MYO6: variants seen among roughly 807,000 people sequenced by gnomAD.
The protein encoded by MYO6 is unconventional myosin-VI.
Under a neutral mutation model 178.7 loss-of-function variants are expected in MYO6, and 74 were observed. That is an observed-to-expected ratio of 0.41 (90% CI 0.34 to 0.50). The LOEUF is 0.50. Ranked by LOEUF, MYO6 falls within the 20% of genes least tolerant of loss-of-function variation. MYO6 has a pLI of 0.09. For missense variants in MYO6, 1,330 were observed against 1,547.4 expected (o/e 0.86, Z 2.36); for synonymous variants, 477 against 504.6 (o/e 0.95, Z 0.73).
intron 1 of MYO6, among the ~76,000 whole-genome samples, chr6:75,782,604 C>CAG (rs1767093943): frequency 6.6e-6 from 1 of 152,184 alleles, no homozygotes; most frequent in Non-Finnish European, 1.5e-5. Flanking sequence ...ATTCTCTTAA[C>CAG]CAGTTTGTTG....
In MYO6 at chr6:75,841,216, C is replaced by T; in HGVS notation, c.654C>T (p.Ser218=). 6.2e-7 allele frequency: 1 copy of T among 1,613,344 alleles called. No homozygotes were observed. Among genetic ancestry groups the T allele is most frequent in the Non-Finnish European group, 8.5e-7 (1 of 1,179,676 alleles). The stretch of plus-strand genomic sequence containing the variant: ...TTTCTCTGTGTTTTGTTTTTTAGAG[C>T]TCAGTTGTTGGAGGATTTGTTTCAC... ...KFVEIHFNEK[S]SVVGGFVSHY... Residue 218 remains serine (S), a splice_region_variant and synonymous_variant, in exon 9 of 35, where the codon AGC becomes AGT. Coordinates refer to ENST00000369977, the MANE Select transcript of MYO6 (RefSeq NM_004999.4).
chr6:75,853,724 A>C (rs899973412), intron 11 of MYO6, among the ~76,000 whole-genome samples: 1 of 152,208 alleles, frequency 6.6e-6, no homozygotes, highest in Admixed American at 6.5e-5. Flanking sequence ...TGATTTTCAC[A>C]CATTCTTTGT....
intron 1 of MYO6, among the ~76,000 whole-genome samples, chr6:75,755,661 A>G (rs547205992): frequency 1.3e-5 from 2 of 152,350 alleles, no homozygotes; most frequent in African/African-American, 4.8e-5. Context: ...GTGATCCGAT[A>G]GTTACAACTG....
At position 75,774,665 on chromosome 6, in the gene MYO6, GATTTTCCTTAAAGAGGA is replaced by G. The variant is rs1766203137; in HGVS notation, c.-48+25244_-48+25260del. Reference sequence around the variant, plus strand: ...AAAATTTTATGGTATATTTGTTAGAGATTTTCCTTAAAGAGGAAAATCAAGGAATTGAAGTCTTCCCC... The same window carrying G: ...AAAATTTTATGGTATATTTGTTAGAGAAATCAAGGAATTGAAGTCTTCCCC... On this transcript the variant is annotated intron_variant, in intron 1 of 34. Coordinates refer to ENST00000369977, the MANE Select transcript of MYO6 (RefSeq NM_004999.4). 2.0e-5 allele frequency among the ~76,000 whole-genome samples: 3 copies of G among 152,010 alleles called. No homozygotes were observed. In the South Asian group the frequency reaches 6.2e-4, roughly 32 times the overall value.
At position 75,917,440 on chromosome 6, in the gene MYO6, G is replaced by T. The variant is rs1781177850; in HGVS notation, c.*2428G>T. 6.6e-6 allele frequency: 1 copy of T among 152,544 alleles called. No homozygotes were observed. Among genetic ancestry groups the T allele is most frequent in the African/African-American group, 2.4e-5 (1 of 41,448 alleles). 9.4% of individuals were successfully genotyped at this position (152,544 alleles called of 1,614,324 possible). ...TTCCTAATTGTGGTAACACAGTTGA[G>T]ATATGTATTATGAGTTATGGGAACT... On this transcript the variant is annotated 3_prime_UTR_variant, in exon 35 of 35. Coordinates refer to ENST00000369977, the MANE Select transcript of MYO6 (RefSeq NM_004999.4).
chr6:75,861,643 A>G (rs1018531223), intron 15 of MYO6, among the ~76,000 whole-genome samples: 6 of 152,122 alleles, frequency 3.9e-5, no homozygotes, highest in Non-Finnish European at 8.8e-5. Flanking sequence ...TCAGTCTTCC[A>G]TTTCTTTCCC....
At chr6:75,767,081 A>C (rs1778486783) in intron 1 of MYO6, among the ~76,000 whole-genome samples, 1 of 150,758 alleles carries the variant, frequency 6.6e-6, no homozygotes, top group Non-Finnish European at 1.5e-5. Context: ...GCTGGAGTGC[A>C]GTGGCACAAT....
intron 3 of MYO6, among the ~76,000 whole-genome samples, chr6:75,823,564 T>C (rs1358347395): frequency 6.6e-6 from 1 of 152,210 alleles, no homozygotes; most frequent in African/African-American, 2.4e-5. Context: ...AGGTACCTAA[T>C]ACTAAAAACT....
At position 75,809,915 on chromosome 6, in the gene MYO6, A is replaced by C. The variant is rs967363116; in HGVS notation, c.-47-7586A>C. Among the ~76,000 whole-genome samples, 175 of 149,152 alleles carry C rather than the reference A, an allele frequency of 1.2e-3. 1 individual carries two copies. Among genetic ancestry groups the C allele is most frequent in the African/African-American group, 4.0e-3 (163 of 40,464 alleles). On this transcript the variant is annotated intron_variant, in intron 1 of 34. Transcript: ENST00000369977. The stretch of plus-strand genomic sequence containing the variant: ...TTGTCTCTGCTAAAAAAAAAAAAAA[A>C]ACAAAAAAAAAAGCAAAAATTAGCT...
intron 6 of MYO6, among the ~76,000 whole-genome samples, chr6:75,834,936 G>GT (rs905678162): frequency 6.6e-6 from 1 of 151,968 alleles, no homozygotes; most frequent in Admixed American, 6.6e-5. Flanking sequence ...TGAGTCTATG[G>GT]TTAATGTATG....
chr6:75,817,690 A>G lies in MYO6; in HGVS notation c.117+26A>G, dbSNP rs766124089. ...GTGAGTTTCTCAGAAAGATGTTGAA[A>G]TATGATTTCTTTCAAAAATAGGTGT... On this transcript the variant is annotated intron_variant, in intron 2 of 34. Transcript: ENST00000369977. The G allele has an allele frequency of 3.1e-6, 5 of 1,595,354 alleles. No homozygotes were observed. In the South Asian group the frequency reaches 5.5e-5, roughly 18 times the overall value.
intron 23 of MYO6, among the ~76,000 whole-genome samples, chr6:75,882,715 C>CAAT (rs35083073): frequency 0.4 from 60,167 of 151,676 alleles, 12,803 homozygotes; most frequent in Middle Eastern, 0.54. Flanking sequence ...ATAAAATAGG[C>CAAT]AATAACATAT....
chr6:75,842,198 ACATG>A (rs1407288493), intron 9 of MYO6, among the ~76,000 whole-genome samples: 4 of 146,748 alleles, frequency 2.7e-5, no homozygotes, highest in African/African-American at 1.0e-4. Context: ...ACACACACAC[ACATG>A]CACACACACA....
chr6:75,851,010 A>G (rs528232873), intron 11 of MYO6, among the ~76,000 whole-genome samples: 5 of 152,286 alleles, frequency 3.3e-5, no homozygotes, highest in Non-Finnish European at 7.4e-5. Context: ...GTTAGCATAC[A>G]TTTCATTTGC....
Position 75,915,276 on chromosome 6 carries a change from T to C in MYO6, c.*264T>C. The stretch of plus-strand genomic sequence containing the variant: ...ATTACACATGGGCATATTCTGATGT[T>C]TCTCATCCTTTGCCAGAAGACTACC... On this transcript the variant is annotated 3_prime_UTR_variant, in exon 35 of 35. Transcript: ENST00000369977. 4.1e-6 allele frequency: 2 copies of C among 489,504 alleles called. No individual in the cohort carries two copies. The highest frequency in any genetic ancestry group is 4.2e-5 in the South Asian group (2 of 47,280). 30.3% of individuals were successfully genotyped at this position (489,504 alleles called of 1,614,324 possible). A position where few individuals can be genotyped will look rare whatever the true frequency, so the allele number is the denominator to read the frequency against.
At chr6:75,855,053 AAG>A in intron 11 of MYO6, 84 bp from the exon 12 acceptor site, 1 of 1,211,758 alleles carries the variant, frequency 8.3e-7, no homozygotes, top group Non-Finnish European at 1.2e-6. Context: ...GGTTTTTTGT[AAG>A]TGAAGTATAA....
At chr6:75,826,845 G>A (rs1272937499) in intron 3 of MYO6, among the ~76,000 whole-genome samples, 1 of 152,066 alleles carries the variant, frequency 6.6e-6, no homozygotes, top group African/African-American at 2.4e-5. Context: ...CCCAGGAGGT[G>A]GAGGTTACAG....
intron 23 of MYO6, among the ~76,000 whole-genome samples, chr6:75,885,655 C>T (rs1464927759): frequency 2.6e-5 from 4 of 152,022 alleles, no homozygotes; most frequent in Non-Finnish European, 1.5e-5. Context: ...ACCGTGTTAG[C>T]CAGGATGGTC....
At position 75,830,488 on chromosome 6, in the gene MYO6, A is replaced by G. The variant is rs1050162882; in HGVS notation, c.334A>G (p.Ile112Val). The G allele has an allele frequency of 5.6e-6, 9 of 1,612,418 alleles. No individual in the cohort carries two copies. The highest frequency in any genetic ancestry group is 3.3e-5 in the Admixed American group (2 of 60,020). Residue 112 changes from isoleucine to valine, a missense_variant, in exon 5 of 35, where the codon ATA becomes GTA. Ile to Val is a conservative substitution (Grantham distance 29). Coordinates refer to ENST00000369977, the MANE Select transcript of MYO6 (RefSeq NM_004999.4). ...DIPKIYSSEA[I>V]KSYQGKSLGT... ...ACCTAAAATATATTCTTCAGAAGCA[A>G]TAAAGTCATATCAAGGAAAATCTCT...
Sources: allele counts gnomAD v4.1 joint callset (sites outside exome capture counted in the v4.1 genomes callset), GRCh38; gene constraint gnomAD v4.1.1; transcripts MANE v1.5; gene names NCBI Gene and HGNC (gene_info 2026-07-23, HGNC 2026-07-21).